COX16: variants seen among roughly 807,000 people sequenced by gnomAD.
The protein encoded by COX16 is cytochrome c oxidase assembly protein COX16 homolog, mitochondrial.
In COX16, 12 loss-of-function variants were observed where a neutral mutation model predicts 15.4. The ratio of observed to expected loss-of-function variants is 0.78; its 90% confidence interval spans 0.50 to 1.26. COX16 has a LOEUF of 1.26. COX16 is among the 50% of genes most tolerant of loss of function. The pLI is 0.00. For missense variants in COX16, 124 were observed against 127.6 expected, an observed-to-expected ratio of 0.97 and a Z score of 0.14; for synonymous variants, 46 against 41.1, an observed-to-expected ratio of 1.12 and a Z score of -0.46.
chr14:70,343,505 T>C (rs556416977), intron 1 of COX16, among the ~76,000 whole-genome samples: 25 of 152,326 alleles, frequency 1.6e-4, no homozygotes, highest in African/African-American at 6.0e-4. Flanking sequence ...GATTTTATGA[T>C]TTTTCAAAAT....
chr14:70,342,915 TATAGCACATC>T (rs892018317), intron 1 of COX16, among the ~76,000 whole-genome samples, 186 bp from the exon 2 acceptor site: 32 of 152,214 alleles, frequency 2.1e-4, no homozygotes, highest in Non-Finnish European at 4.4e-4. Flanking sequence ...AGGAAATCAT[TATAGCACATC>T]ATTACCAAAT....
chr14:70,328,259 AGC>A (rs1491091658), intron 3 of COX16: 9 of 35,022 alleles, frequency 2.6e-4, no homozygotes, highest in African/African-American at 1.3e-3. Flanking sequence ...AAGGAAAGAT[AGC>A]TAGCCCTTCA....
intron 1 of COX16, among the ~76,000 whole-genome samples, chr14:70,355,362 T>C (rs1244145261): frequency 9.2e-5 from 14 of 152,224 alleles, no homozygotes; most frequent in Admixed American, 8.5e-4. Flanking sequence ...TCCTCCTGTA[T>C]ACCTCAACTC....
chr14:70,336,330 G>A (rs1164852041), intron 2 of COX16, among the ~76,000 whole-genome samples: 2 of 152,178 alleles, frequency 1.3e-5, no homozygotes, highest in African/African-American at 4.8e-5. Flanking sequence ...AAGACATGGA[G>A]CGGCAGGAGG....
At chr14:70,350,728 C>T (rs1886929951) in intron 1 of COX16, among the ~76,000 whole-genome samples, 1 of 152,056 alleles carries the variant, frequency 6.6e-6, no homozygotes, top group Non-Finnish European at 1.5e-5. Context: ...TATCATTTTC[C>T]CCTAATAAGA....
chr14:70,327,082 T>G (rs1886103900), intron 3 of COX16, among the ~76,000 whole-genome samples: 1 of 152,220 alleles, frequency 6.6e-6, no homozygotes, highest in Non-Finnish European at 1.5e-5. Flanking sequence ...ACCTTTCTCC[T>G]ACTGACCACC....
chr14:70,340,740 CACTG>C (rs1285496860), intron 2 of COX16, among the ~76,000 whole-genome samples: 3 of 152,156 alleles, frequency 2.0e-5, no homozygotes, highest in African/African-American at 7.2e-5. Flanking sequence ...TAAAATGAAA[CACTG>C]ACCATGTGCC....
intron 1 of COX16, among the ~76,000 whole-genome samples, chr14:70,348,110 G>A (rs758822826): frequency 2.6e-5 from 4 of 152,012 alleles, no homozygotes; most frequent in African/African-American, 9.7e-5. Flanking sequence ...CCAGGTTATC[G>A]CCTACCTCTC....
At position 70,342,738 on chromosome 14, in the gene COX16, A is replaced by G. The variant is rs1350575546; in HGVS notation, c.70-9T>C. On this transcript the variant is annotated splice_polypyrimidine_tract_variant and intron_variant, in intron 1 of 3. Coordinates refer to ENST00000389912, the MANE Select transcript of COX16 (RefSeq NM_016468.7). ...CCTCCAACAATCAGCAACTAAAACA[A>G]AGAAAGGAAACATTTAAGCAAAACA... 8.1e-6 allele frequency: 13 copies of G among 1,610,868 alleles called. No homozygotes were observed. Among genetic ancestry groups the G allele is most frequent in the Admixed American group, 1.7e-5 (1 of 59,410 alleles).
At chr14:70,326,483 T>C (rs1413076603) in intron 3 of COX16, 34 bp from the exon 4 acceptor site, 7 of 1,522,834 alleles carry the variant, frequency 4.6e-6, no homozygotes, top group Non-Finnish European at 6.2e-6. Flanking sequence ...GTATAAATAT[T>C]AGTATAAGAG....
At chr14:70,340,663 T>C (rs907342659) in intron 2 of COX16, among the ~76,000 whole-genome samples, 12 of 152,196 alleles carry the variant, frequency 7.9e-5, no homozygotes, top group Non-Finnish European at 5.9e-5. Flanking sequence ...ACCTAAACAA[T>C]ATTTTCTCTT....
intron 1 of COX16, among the ~76,000 whole-genome samples, chr14:70,344,107 T>C (rs1886704677): frequency 2.0e-5 from 3 of 152,214 alleles, no homozygotes; most frequent in Admixed American, 2.0e-4. Flanking sequence ...CTGGGTAATG[T>C]CAGCTGATCC....
chr14:70,349,037 T>C (rs1205830635), intron 1 of COX16, among the ~76,000 whole-genome samples: 1 of 152,138 alleles, frequency 6.6e-6, no homozygotes, highest in Non-Finnish European at 1.5e-5. Flanking sequence ...AGGACCATGG[T>C]ATGTCAAGGA....
At chr14:70,343,694 T>G (rs1239998159) in intron 1 of COX16, among the ~76,000 whole-genome samples, 2 of 152,234 alleles carry the variant, frequency 1.3e-5, no homozygotes, top group Non-Finnish European at 2.9e-5. Context: ...CATCTTAAGA[T>G]ATACAGAATC....
At chr14:70,330,611 A>G (rs1402476569) in intron 2 of COX16, among the ~76,000 whole-genome samples, 1 of 152,222 alleles carries the variant, frequency 6.6e-6, no homozygotes, top group Non-Finnish European at 1.5e-5. Flanking sequence ...AAGACAGCAT[A>G]CCATGATCAA....
chr14:70,330,596 C>T (rs1233562999), intron 2 of COX16, among the ~76,000 whole-genome samples: 2 of 152,050 alleles, frequency 1.3e-5, no homozygotes, highest in Non-Finnish European at 2.9e-5. Context: ...CAGCAACATA[C>T]CAAAAAGACA....
At chr14:70,349,845 C>T (rs891822330) in intron 1 of COX16, among the ~76,000 whole-genome samples, 3 of 152,186 alleles carry the variant, frequency 2.0e-5, no homozygotes, top group African/African-American at 7.2e-5. Context: ...GCAAATGAGG[C>T]CATGCCTCTC....
intron 1 of COX16, among the ~76,000 whole-genome samples, chr14:70,352,225 T>G (rs1440366510): frequency 6.6e-6 from 1 of 152,230 alleles, no homozygotes; most frequent in East Asian, 1.9e-4. Context: ...CTCCCTCTGT[T>G]GCCTGGGCTA....
chr14:70,331,819 G>C (rs200326489), intron 2 of COX16, among the ~76,000 whole-genome samples: 1 of 14,056 alleles, frequency 7.1e-5, no homozygotes, highest in African/African-American at 2.2e-4. Flanking sequence ...GAATGTTCAG[G>C]ATGTCACCAA....
Sources: gnomAD v4.1 joint callset for allele counts (sites outside exome capture counted in the v4.1 genomes callset) on GRCh38, gnomAD v4.1.1 for gene constraint, MANE v1.5 for transcripts, NCBI Gene and HGNC (gene_info 2026-07-23, HGNC 2026-07-21) for gene names.